Variants in CDC14A observed in about 807,000 individuals in gnomAD.
CDC14A encodes the protein cell division cycle 14A.
In CDC14A, 53 loss-of-function variants were observed where a neutral mutation model predicts 74.4. The observed-to-expected ratio is 0.71, with a 90% CI of 0.57 to 0.89. The LOEUF is 0.89. CDC14A is among the 40% of genes least tolerant of loss of function. The pLI, the probability that CDC14A is intolerant of heterozygous loss-of-function variation, is 0.00. For synonymous variants in CDC14A, 247 were observed against 258.4 expected, an observed-to-expected ratio of 0.96 and a Z score of 0.43; for missense variants, 646 against 713.7, an observed-to-expected ratio of 0.91 and a Z score of 1.08.
intron 5 of CDC14A, among the ~76,000 whole-genome samples, chr1:100,432,844 A>G (rs1159175829): frequency 2.0e-5 from 3 of 152,116 alleles, no homozygotes; most frequent in Non-Finnish European, 4.4e-5. Context: ...TGTTTTTGCT[A>G]TTGTACATAG....
intron 4 of CDC14A, among the ~76,000 whole-genome samples, chr1:100,410,587 G>GA (rs1660559053): frequency 6.6e-6 from 1 of 152,184 alleles, no homozygotes; most frequent in African/African-American, 2.4e-5. Flanking sequence ...AAAGTGCTGG[G>GA]ATTACAGGCA....
At chr1:100,374,495 A>T (rs932576846) in intron 2 of CDC14A, among the ~76,000 whole-genome samples, 36 of 152,196 alleles carry the variant, frequency 2.4e-4, no homozygotes, top group African/African-American at 8.7e-4. Flanking sequence ...AATGATCGCC[A>T]TTCTAACTGG....
intron 7 of CDC14A, among the ~76,000 whole-genome samples, chr1:100,451,716 T>C (rs1666159796): frequency 6.6e-6 from 1 of 152,234 alleles, no homozygotes; most frequent in Admixed American, 6.5e-5. Context: ...TAGTATCGCA[T>C]GTTCAAAGTG....
intron 1 of CDC14A, among the ~76,000 whole-genome samples, chr1:100,346,631 CAAAAAAA>C (rs200477363): frequency 1.3e-5 from 1 of 77,960 alleles, no homozygotes; most frequent in East Asian, 3.7e-4. Flanking sequence ...GACTCTGTCT[CAAAAAAA>C]AAAAAAAAAA....
intron 5 of CDC14A, among the ~76,000 whole-genome samples, chr1:100,430,779 A>G (rs1663559380): frequency 6.6e-6 from 1 of 152,202 alleles, no homozygotes; most frequent in African/African-American, 2.4e-5. Context: ...CTTCAAAGGG[A>G]AAGTTCTCCT....
chr1:100,429,859 T>G (rs974208546), intron 5 of CDC14A, among the ~76,000 whole-genome samples: 1 of 151,682 alleles, frequency 6.6e-6, no homozygotes, highest in Non-Finnish European at 1.5e-5. Context: ...TCTGAATGGT[T>G]CTGAGTAATG....
chr1:100,507,369 A>C (rs929480480), intron 15 of CDC14A, among the ~76,000 whole-genome samples: 3 of 152,174 alleles, frequency 2.0e-5, no homozygotes, highest in African/African-American at 7.2e-5. Flanking sequence ...TAATATAGCT[A>C]TATACAGATT....
intron 11 of CDC14A, chr1:100,484,889 A>G (rs1032466907): frequency 1.0e-6 from 1 of 980,280 alleles, no homozygotes; most frequent in Non-Finnish European, 1.2e-6. Flanking sequence ...AAAAAAATTA[A>G]GGCTCTACTG....
Position 100,494,879 on chromosome 1 carries a change from G to A in CDC14A, c.1199G>A (p.Arg400His), listed in dbSNP as rs199589895. The change falls in exon 12 of 16, where the codon CGT (arginine) becomes CAT (histidine). Residue 400 changes from arginine (R) to histidine (H), a missense_variant. Physicochemically the swap from Arg to His is conservative, Grantham distance 29 (BLOSUM62 0). Transcript: ENST00000336454. ...GGTATAACCCAGGGAGACAAACTAC[G>A]TGCCTTAAAAAGTCAGAGACAGCCA... ...KNGITQGDKL[R>H]ALKSQRQPRT... The A allele has an allele frequency of 2.1e-5, 34 of 1,613,574 alleles. No homozygotes were observed. The highest frequency in any genetic ancestry group is 1.6e-4 in the East Asian group (7 of 44,868).
intron 4 of CDC14A, among the ~76,000 whole-genome samples, chr1:100,397,040 T>G (rs1168256401): frequency 6.6e-6 from 1 of 152,170 alleles, no homozygotes; most frequent in African/African-American, 2.4e-5. Flanking sequence ...GATTTTTTTT[T>G]TTTTTAAAGC....
chr1:100,441,505 A>T (rs562833726), intron 6 of CDC14A, among the ~76,000 whole-genome samples: 35 of 152,314 alleles, frequency 2.3e-4, no homozygotes, highest in Non-Finnish European at 4.3e-4. Flanking sequence ...TCATAAGTAT[A>T]GTTTATATTC....
chr1:100,379,633 T>C (rs1236687924), intron 3 of CDC14A, among the ~76,000 whole-genome samples: 3 of 152,226 alleles, frequency 2.0e-5, no homozygotes, highest in Non-Finnish European at 4.4e-5. Flanking sequence ...GTTAGTATTA[T>C]ATTAGAAAAC....
chr1:100,381,865 C>G (rs1299428155), intron 3 of CDC14A, among the ~76,000 whole-genome samples: 1 of 152,060 alleles, frequency 6.6e-6, no homozygotes. Context: ...TTGGTCTTTC[C>G]CCTAGGATAG....
intron 3 of CDC14A, among the ~76,000 whole-genome samples, chr1:100,382,124 C>G (rs1656194016): frequency 6.6e-6 from 1 of 151,148 alleles, no homozygotes; most frequent in East Asian, 1.9e-4. Context: ...GCTAAGAACA[C>G]TGGGCTAAAG....
At position 100,412,726 on chromosome 1, in the gene CDC14A, T is replaced by TAA. The variant is rs1491093395; in HGVS notation, c.310-11495_310-11494insAA. On this transcript the variant is annotated intron_variant, in intron 4 of 15. Transcript: ENST00000336454. ...TATATATATATATATATATATATTTTATATATATATATTTTATATATATAT... is the reference window on the plus strand; with the variant it reads ...TATATATATATATATATATATATTTTAAATATATATATATTTTATATATATAT... Among the ~76,000 whole-genome samples, 4 of 80,238 alleles carry TAA rather than the reference T, an allele frequency of 5.0e-5. 1 individual carries two copies. Among genetic ancestry groups the TAA allele is most frequent in the Non-Finnish European group, 8.6e-5 (4 of 46,254 alleles). The allele number at this position is 80,238 out of a possible 152,430, so 52.6% of individuals were successfully genotyped here.
Position 100,442,984 on chromosome 1 carries a change from T to A in CDC14A, c.507T>A (p.Tyr169Ter). Residue 169 changes from tyrosine to a stop codon, truncating the protein, a stop_gained, in exon 7 of 16, where the codon TAT (tyrosine) becomes TAA (stop). Transcript: ENST00000336454. LOFTEE classifies it high-confidence loss of function. ...TTGAGACATTTGATGTGGATGAATA[T>A]GAACATTATGAGGTTTGTACATTTA... is the stretch of plus-strand genomic sequence containing the variant. ...FDFETFDVDE[Y>*]EHYERVENGD... 1 of 1,589,856 alleles carries A rather than the reference T, an allele frequency of 6.3e-7. No individual in the cohort carries two copies.
At chr1:100,361,594 A>C (rs1377914155) in intron 2 of CDC14A, among the ~76,000 whole-genome samples, 2 of 152,236 alleles carry the variant, frequency 1.3e-5, no homozygotes, top group African/African-American at 2.4e-5. Flanking sequence ...TGAGTGAGTA[A>C]GTGAATGAGG....
At chr1:100,464,597 A>G (rs1295489964) in intron 9 of CDC14A, among the ~76,000 whole-genome samples, 6 of 152,234 alleles carry the variant, frequency 3.9e-5, no homozygotes, top group African/African-American at 1.4e-4. Context: ...GTTTTGTGCC[A>G]TAAAAATTGT....
At chr1:100,495,962 GC>G in intron 12 of CDC14A, 39 bp from the exon 13 acceptor site, 1 of 1,575,464 alleles carries the variant, frequency 6.3e-7, no homozygotes, top group Non-Finnish European at 8.7e-7. Context: ...GAAAACGTGT[GC>G]CCTGGTGATA....
Sources: allele counts gnomAD v4.1 joint callset (sites outside exome capture counted in the v4.1 genomes callset), GRCh38; gene constraint gnomAD v4.1.1; transcripts MANE v1.5; gene names NCBI Gene and HGNC (gene_info 2026-07-23, HGNC 2026-07-21).